NT5DC3: variants seen among roughly 807,000 people sequenced by gnomAD.
NT5DC3 encodes the protein 5'-nucleotidase domain containing 3.
Under a neutral mutation model 67.8 loss-of-function variants are expected in NT5DC3, and 42 were observed. That is an observed-to-expected ratio of 0.62 (90% CI 0.48 to 0.80). The LOEUF (loss-of-function observed/expected upper bound fraction) is 0.80, where lower values mean the gene tolerates loss of function less well. Ranked by LOEUF, NT5DC3 falls within the 30% of genes least tolerant of loss-of-function variation. The pLI, the probability that NT5DC3 is intolerant of heterozygous loss-of-function variation, is 0.00. For synonymous variants in NT5DC3, 237 were observed against 255.6 expected (o/e 0.93, Z 0.69); for missense variants, 570 against 696.4 (o/e 0.82, Z 2.04).
chr12:103,808,522 C>G lies in NT5DC3; in HGVS notation c.394-1593G>C, dbSNP rs142737973. On this transcript the variant is annotated intron_variant, in intron 2 of 13. Transcript: ENST00000392876. ...AAAAACATTTCCTGGGACCAGCAGG[C>G]TGACCCGCATGTGGCAATTTTTCAA... is the stretch of plus-strand genomic sequence containing the variant. Among the ~76,000 whole-genome samples, 83 of 152,344 alleles carry G rather than the reference C, an allele frequency of 5.4e-4. 1 individual carries two copies. Among genetic ancestry groups the G allele is most frequent in the African/African-American group, 1.7e-3 (72 of 41,586 alleles).
At chr12:103,821,003 C>G (rs577370513) in intron 1 of NT5DC3, 3 of 152,464 alleles carry the variant, frequency 2.0e-5, no homozygotes, top group Admixed American at 6.5e-5. Flanking sequence ...CCACTCCTCA[C>G]CCCGACTCTG....
chr12:103,813,469 A>G lies in NT5DC3; in HGVS notation c.393+1468T>C, dbSNP rs966955984. Among the ~76,000 whole-genome samples, 14 of 152,352 alleles carry G rather than the reference A, an allele frequency of 9.2e-5. 1 individual carries two copies. The highest frequency in any genetic ancestry group is 2.0e-4 in the Admixed American group (3 of 15,306). On this transcript the variant is annotated intron_variant, in intron 2 of 13. Transcript: ENST00000392876. ...AAGCTTCTTTTTGGCAAATGCCATG[A>G]CTGCATTTTGGATATGGACAAAATG...
intron 5 of NT5DC3, among the ~76,000 whole-genome samples, chr12:103,797,943 T>C (rs1886393417): frequency 6.6e-6 from 1 of 152,214 alleles, no homozygotes; most frequent in African/African-American, 2.4e-5. Flanking sequence ...AAGCCTGTTT[T>C]ATAATAAGGT....
chr12:103,840,980 C>T lies in NT5DC3; in HGVS notation c.177G>A (p.Glu59=), dbSNP rs1322655395. ...TAPDMKRYLW[E]RYREAKRSTE... ...TGCTTCTCTTCGCCTCCCGGTAGCGCTCCCACAGGTAGCGCTTCATGTCCG... is the reference window on the plus strand; with the variant it reads ...TGCTTCTCTTCGCCTCCCGGTAGCGTTCCCACAGGTAGCGCTTCATGTCCG... Residue 59 remains glutamate, a synonymous_variant, in exon 1 of 14, where the codon GAG becomes GAA. Coordinates refer to ENST00000392876, the MANE Select transcript of NT5DC3 (RefSeq NM_001031701.3). 1 of 1,337,712 alleles carries T rather than the reference C, an allele frequency of 7.5e-7. No homozygotes were observed. The highest frequency in any genetic ancestry group is 9.6e-7 in the Non-Finnish European group (1 of 1,039,306). The allele number at this position is 1,337,712 out of a possible 1,614,324, so 82.9% of individuals were successfully genotyped here. A position where few individuals can be genotyped will look rare whatever the true frequency, so the allele number is the denominator to read the frequency against.
chr12:103,782,539 C>G (rs1202133117), intron 12 of NT5DC3, among the ~76,000 whole-genome samples: 2 of 152,194 alleles, frequency 1.3e-5, no homozygotes. Flanking sequence ...GAGCCTACAG[C>G]CTGCACAGCC....
At chr12:103,794,074 C>T in intron 6 of NT5DC3, 77 bp from the exon 7 acceptor site, 1 of 1,093,966 alleles carries the variant, frequency 9.1e-7, no homozygotes. Flanking sequence ...AAATGGCAGT[C>T]ATGGTAACTT....
intron 1 of NT5DC3, among the ~76,000 whole-genome samples, chr12:103,828,304 A>T (rs1887778339): frequency 6.6e-6 from 1 of 152,300 alleles, no homozygotes; most frequent in African/African-American, 2.4e-5. Flanking sequence ...GGAAAAAGGG[A>T]TTCCTTCTTC....
At position 103,793,456 on chromosome 12, in the gene NT5DC3, G is replaced by T; in HGVS notation, c.871C>A (p.His291Asn). ...GTGATGAGAAACATCTTCTTGCCAT[G>T]ATCAGCCAGTTTGGCCAACACTGCG... is the stretch of plus-strand genomic sequence containing the variant. ...TRAVLAKLADHGKKMFLITNS... is the reference protein window; with the variant it reads ...TRAVLAKLADNGKKMFLITNS... The change falls in exon 8 of 14, where the codon CAT becomes AAT. Residue 291 changes from histidine (H) to asparagine (N), a missense_variant. Coordinates refer to ENST00000392876, the MANE Select transcript of NT5DC3 (RefSeq NM_001031701.3). 1 of 1,614,194 alleles carries T rather than the reference G, an allele frequency of 6.2e-7. No homozygotes were observed. The highest frequency in any genetic ancestry group is 1.1e-5 in the South Asian group (1 of 91,088).
the NT5DC3 span, chr12:103,749,163 C>G: frequency 1.3e-6 from 2 of 1,587,084 alleles, no homozygotes; most frequent in Non-Finnish European, 1.7e-6. Context: ...CCCGGTGAGT[C>G]GCTCTTTCCC....
chr12:103,787,865 A>AT (rs1034369232), intron 10 of NT5DC3, among the ~76,000 whole-genome samples: 54 of 143,840 alleles, frequency 3.8e-4, no homozygotes, highest in African/African-American at 1.3e-3. Context: ...GACATTATCT[A>AT]TTTTATAAGC....
At chr12:103,757,574 G>A in the NT5DC3 span, among the ~76,000 whole-genome samples, 49 of 152,216 alleles carry the variant, frequency 3.2e-4, no homozygotes, top group Non-Finnish European at 5.3e-4. Flanking sequence ...GAAGTGATGG[G>A]GGAAGGCTTT....
At chr12:103,806,415 A>G in intron 3 of NT5DC3, 38 bp from the exon 4 acceptor site, 3 of 1,428,396 alleles carry the variant, frequency 2.1e-6, no homozygotes, top group South Asian at 1.1e-5. Context: ...TAAATAATGT[A>G]TGACTATTTG....
At chr12:103,802,183 C>G (rs796168422) in intron 4 of NT5DC3, 11 of 152,310 alleles carry the variant, frequency 7.2e-5, no homozygotes, top group African/African-American at 2.2e-4. Context: ...TACTCCTTGA[C>G]ACAATGGACA....
the NT5DC3 span, among the ~76,000 whole-genome samples, chr12:103,752,038 A>G: frequency 6.6e-6 from 1 of 152,184 alleles, no homozygotes; most frequent in African/African-American, 2.4e-5. Context: ...CGATTTGGTA[A>G]TGTGTGCAGC....
At chr12:103,749,402 T>A in the NT5DC3 span, among the ~76,000 whole-genome samples, 6 of 152,184 alleles carry the variant, frequency 3.9e-5, no homozygotes, top group Non-Finnish European at 8.8e-5. Flanking sequence ...TGTACCAACA[T>A]TAATTTCTTA....
chr12:103,770,574 A>AT (rs1391076740), downstream of NT5DC3: 1 of 152,080 alleles, frequency 6.6e-6, no homozygotes, highest in African/African-American at 2.4e-5. Context: ...AGCTGCTGCT[A>AT]TAGGCACCCA....
At chr12:103,795,948 T>C (rs868528550) in intron 6 of NT5DC3, among the ~76,000 whole-genome samples, 2 of 152,198 alleles carry the variant, frequency 1.3e-5, no homozygotes, top group South Asian at 2.1e-4. Context: ...ATCGAATAAA[T>C]TGGCGTTATT....
rs11428514 is a variant in NT5DC3, at chr12:103,775,010, CA to C, written c.*2818del. 0.08 allele frequency: 9,282 copies of C among 115,818 alleles called. 309 individuals carry two copies. The highest frequency in any genetic ancestry group is 0.099 in the Middle Eastern group (19 of 192). 7.2% of individuals were successfully genotyped at this position (115,818 alleles called of 1,614,324 possible). On this transcript the variant is annotated 3_prime_UTR_variant, in exon 14 of 14. Transcript: ENST00000392876. ...TGGGCAACAGAGCGAGACCTTGCCT[CA>C]AAAAAAAAAAAAAAAAGTCATGACA...
chr12:103,753,035 A>T, the NT5DC3 span, among the ~76,000 whole-genome samples: 30,420 of 152,200 alleles, frequency 0.2, 3,391 homozygotes, highest in Non-Finnish European at 0.25. Flanking sequence ...AACATATGCT[A>T]GTTTTATAGT....
Sources: allele counts gnomAD v4.1 joint callset (sites outside exome capture counted in the v4.1 genomes callset), GRCh38; gene constraint gnomAD v4.1.1; transcripts MANE v1.5; gene names NCBI Gene and HGNC (gene_info 2026-07-23, HGNC 2026-07-21).